PBX1: variants seen among roughly 807,000 people sequenced by gnomAD.
The protein encoded by PBX1 is pre-B-cell leukemia transcription factor 1.
PBX1 carries 6 observed loss-of-function variants against 53.4 expected under a neutral mutation model. The ratio of observed to expected loss-of-function variants is 0.11; its 90% confidence interval spans 0.06 to 0.22. The LOEUF is 0.22. Ranked by LOEUF, PBX1 falls within the 10% of genes least tolerant of loss-of-function variation. PBX1 has a pLI of 1.00. For synonymous variants in PBX1, 204 were observed against 212.3 expected, an observed-to-expected ratio of 0.96 and a Z score of 0.34; for missense variants, 251 against 551.4, an observed-to-expected ratio of 0.46 and a Z score of 5.46.
chr1:164,645,724 G>T lies in PBX1; in HGVS notation c.265+82413G>T, dbSNP rs1311140842. On this transcript the variant is annotated intron_variant, in intron 2 of 8. Coordinates refer to ENST00000420696, the MANE Select transcript of PBX1 (RefSeq NM_002585.4). ...TATATACCTCACTCCCGATTAATGT[G>T]CAAATTTGTCCCCAGGGAAATTGGA... Among the ~76,000 whole-genome samples the T allele has an allele frequency of 3.9e-5, 6 of 152,176 alleles. No homozygotes were observed. The East Asian group carries it at 1.2e-3, about 29-fold the overall frequency.
chr1:164,834,027 A>ATG (rs1289743111), intron 8 of PBX1, among the ~76,000 whole-genome samples: 3 of 79,292 alleles, frequency 3.8e-5, no homozygotes, highest in African/African-American at 1.6e-4. Flanking sequence ...ATATATATGT[A>ATG]TATGTGTGTG....
At chr1:164,719,469 A>G (rs1023407030) in intron 2 of PBX1, among the ~76,000 whole-genome samples, 7 of 152,208 alleles carry the variant, frequency 4.6e-5, no homozygotes, top group Non-Finnish European at 1.0e-4. Context: ...GGCTTTGTAA[A>G]TATTGTCTCT....
intron 2 of PBX1, among the ~76,000 whole-genome samples, chr1:164,589,372 G>T (rs1259445220): frequency 6.6e-6 from 1 of 152,092 alleles, no homozygotes; most frequent in East Asian, 1.9e-4. Context: ...CGGGGAGAGG[G>T]AAGAGTCTTC....
intron 2 of PBX1, among the ~76,000 whole-genome samples, chr1:164,700,912 T>C (rs1663082136): frequency 6.6e-6 from 1 of 152,250 alleles, no homozygotes; most frequent in African/African-American, 2.4e-5. Context: ...TGAACCTCTC[T>C]GGGTGTTAGT....
intron 2 of PBX1, among the ~76,000 whole-genome samples, chr1:164,726,749 A>G (rs1168714942): frequency 6.6e-6 from 1 of 152,270 alleles, no homozygotes. Context: ...TGTACCTCAC[A>G]CTGTGAAACA....
rs1469258703 is a variant in PBX1, at chr1:164,559,618, TC to T, written c.-200del. 5.2e-4 allele frequency: 51 copies of T among 98,836 alleles called. No homozygotes were observed. Among genetic ancestry groups the T allele is most frequent in the Admixed American group, 2.1e-4 (1 of 4,700 alleles). 6.1% of individuals were successfully genotyped at this position (98,836 alleles called of 1,614,324 possible). On this transcript the variant is annotated 5_prime_UTR_variant, in exon 1 of 9. Transcript: ENST00000420696. ...CACCCCGCAACCCCTTCACGCCCCC[TC>T]CCCCTCCCCCTCCTCATCCTCCCAC...
At position 164,864,397 on chromosome 1, in the gene PBX1, G is replaced by T. The variant is rs1036799509; in HGVS notation, n.257+32914G>T. 2.6e-5 allele frequency among the ~76,000 whole-genome samples: 4 copies of T among 152,188 alleles called. No individual in the cohort carries two copies. The South Asian group carries it at 8.3e-4, about 32-fold the overall frequency. On this transcript the variant is annotated intron_variant and non_coding_transcript_variant, in intron 2 of 2. Coordinates refer to the PBX1 transcript ENST00000558796. ...GGTGAATTACGAGCTGGTCCCTGGA[G>T]CCCCAGCCTCTGTTGCCCACGGAAT...
At chr1:164,797,492 G>C (rs1414660540) in intron 3 of PBX1, among the ~76,000 whole-genome samples, 1 of 152,176 alleles carries the variant, frequency 6.6e-6, no homozygotes, top group Non-Finnish European at 1.5e-5. Context: ...GGGTTGGCTA[G>C]GGAATGAGCT....
In PBX1 at chr1:164,848,061, A is replaced by G; in HGVS notation, c.*1385A>G. 2 of 1,051,370 alleles carry G rather than the reference A, an allele frequency of 1.9e-6. No individual in the cohort carries two copies. Among genetic ancestry groups the G allele is most frequent in the East Asian group, 5.4e-5 (1 of 18,410 alleles). The allele number at this position is 1,051,370 out of a possible 1,614,324, so 65.1% of individuals were successfully genotyped here. On this transcript the variant is annotated 3_prime_UTR_variant, in exon 9 of 9. Coordinates refer to ENST00000420696, the MANE Select transcript of PBX1 (RefSeq NM_002585.4). ...GTCCTGACCTATTGCTCTGGAGGAA[A>G]GAGTTGTATAAGAACGTGGCTCATG...
Position 164,848,759 on chromosome 1 carries a change from G to T in PBX1, c.*2083G>T, listed in dbSNP as rs150459354. On this transcript the variant is annotated 3_prime_UTR_variant, in exon 9 of 9. Coordinates refer to ENST00000420696, the MANE Select transcript of PBX1 (RefSeq NM_002585.4). ...CTTCCAGGGAGAAGTATGAGACCCT[G>T]AGGGGTGAGAATGGGCAGCTAGCAA... The T allele has an allele frequency of 1.4e-3, 1,533 of 1,060,480 alleles. 16 individuals are homozygous for T. The African/African-American group carries it at 0.021, about 15-fold the overall frequency. 65.7% of individuals were successfully genotyped at this position (1,060,480 alleles called of 1,614,324 possible).
At chr1:164,799,384 C>G (rs534661465) in intron 3 of PBX1, among the ~76,000 whole-genome samples, 4 of 151,862 alleles carry the variant, frequency 2.6e-5, no homozygotes, top group African/African-American at 2.4e-5. Context: ...CCAGCTACTC[C>G]GGAGGCTGAG....
intron 2 of PBX1, among the ~76,000 whole-genome samples, chr1:164,870,254 CTT>C (rs1672325163): frequency 3.1e-5 from 2 of 64,686 alleles, no homozygotes; most frequent in Admixed American, 1.9e-4. Flanking sequence ...TCCTTCCTTC[CTT>C]CCTTCCTTCC....
chr1:164,581,281 G>T, intron 2 of PBX1, among the ~76,000 whole-genome samples: 1 of 148,766 alleles, frequency 6.7e-6, no homozygotes, highest in East Asian at 2.0e-4. Flanking sequence ...AGGCTGTAGT[G>T]CAGTGGCGCA....
At chr1:164,712,941 A>G (rs1444145898) in intron 2 of PBX1, among the ~76,000 whole-genome samples, 1 of 152,142 alleles carries the variant, frequency 6.6e-6, no homozygotes, top group Non-Finnish European at 1.5e-5. Flanking sequence ...ACTTCATGGC[A>G]TCCCTCCAGA....
rs199990223 is a variant in PBX1 at position 164,881,368 on chromosome 1, A to AGAAGGAAG, written n.258-17797_258-17790dup. ...AGGAAGGAAGGAAGGAAGGAGGAAAAGAAGGAAGGAAGGAAGGAAGGAAGG... is the reference window on the plus strand; with the variant it reads ...AGGAAGGAAGGAAGGAAGGAGGAAAAGAAGGAAGGAAGGAAGGAAGGAAGGAAGGAAGG... On this transcript the variant is annotated intron_variant and non_coding_transcript_variant, in intron 2 of 2. Coordinates refer to the PBX1 transcript ENST00000558796. Among the ~76,000 whole-genome samples the AGAAGGAAG allele has an allele frequency of 1.3e-3, 15 of 11,826 alleles. 1 individual carries two copies. The South Asian group carries it at 0.023, about 18-fold the overall frequency. 7.8% of individuals were successfully genotyped at this position (11,826 alleles called of 152,430 possible). A position where few individuals can be genotyped will look rare whatever the true frequency, so the allele number is the denominator to read the frequency against.
chr1:164,563,543 G>C (rs1653213601), intron 2 of PBX1, among the ~76,000 whole-genome samples: 1 of 152,004 alleles, frequency 6.6e-6, no homozygotes, highest in Non-Finnish European at 1.5e-5. Context: ...TCTATTTCCA[G>C]CCTTTTTGAG....
intron 2 of PBX1, among the ~76,000 whole-genome samples, chr1:164,781,648 T>A (rs1667941386): frequency 6.6e-6 from 1 of 152,038 alleles, no homozygotes; most frequent in African/African-American, 2.4e-5. Context: ...CAGTCTAAAC[T>A]CCTCAAGGGC....
chr1:164,885,597 T>G lies in PBX1; in HGVS notation n.258-13591T>G, dbSNP rs369251226. 1.1e-3 allele frequency among the ~76,000 whole-genome samples: 165 copies of G among 152,306 alleles called. 5 individuals are homozygous for G. In the South Asian group the frequency reaches 0.032, roughly 29 times the overall value. Reference sequence around the variant, plus strand: ...CACTAGCTCTAACATCAAGCAGACCTGAGTTTGAATCCTGGCTCCGTCTTC... The same window carrying G: ...CACTAGCTCTAACATCAAGCAGACCGGAGTTTGAATCCTGGCTCCGTCTTC... On this transcript the variant is annotated intron_variant and non_coding_transcript_variant, in intron 2 of 2. Coordinates refer to the PBX1 transcript ENST00000558796.
At chr1:164,750,145 G>GGTGTGTGTGTGTGTGT (rs10665357) in intron 2 of PBX1, among the ~76,000 whole-genome samples, 67 of 140,844 alleles carry the variant, frequency 4.8e-4, no homozygotes, top group African/African-American at 1.4e-3. Flanking sequence ...GGGGCTAGTT[G>GGTGTGTGTGTGTGTGT]GTGTGTGTGT....
Sources: gnomAD v4.1 joint callset for allele counts (sites outside exome capture counted in the v4.1 genomes callset) on GRCh38, gnomAD v4.1.1 for gene constraint, MANE v1.5 for transcripts, NCBI Gene and HGNC (gene_info 2026-07-23, HGNC 2026-07-21) for gene names.